Variants in PRRC2C observed in about 807,000 individuals in gnomAD.
PRRC2C encodes proline rich coiled-coil 2C.
PRRC2C carries 72 observed loss-of-function variants against 317.2 expected under a neutral mutation model. That is an observed-to-expected ratio of 0.23 (90% CI 0.19 to 0.28). PRRC2C has a LOEUF of 0.28. Ranked by LOEUF, PRRC2C falls within the 10% of genes least tolerant of loss-of-function variation. The pLI, the probability that PRRC2C is intolerant of heterozygous loss-of-function variation, is 1.00. For synonymous variants in PRRC2C, 1,296 were observed against 1,205.9 expected (o/e 1.07, Z -1.55); for missense variants, 3,074 against 3,459.7 (o/e 0.89, Z 2.80).
intron 16 of PRRC2C, among the ~76,000 whole-genome samples, chr1:171,544,960 G>A (rs548659627): frequency 6.6e-6 from 1 of 152,198 alleles, no homozygotes; most frequent in South Asian, 2.1e-4. Flanking sequence ...AACTGTAGGG[G>A]ATACATTTGG....
At chr1:171,523,546 A>T in intron 9 of PRRC2C, 24 bp downstream of exon 9, 1 of 1,551,628 alleles carries the variant, frequency 6.4e-7, no homozygotes, top group Middle Eastern at 2.3e-4. Context: ...TCTTTTACTA[A>T]TAACAGTATG....
At chr1:171,550,349 G>C (rs977780730) in intron 18 of PRRC2C, 109 bp downstream of exon 18, 1 of 910,142 alleles carries the variant, frequency 1.1e-6, no homozygotes, top group African/African-American at 1.7e-5. Context: ...CATTATTCAA[G>C]TGTTAAAAGT....
At chr1:171,547,213 G>C (rs1183488331) in intron 17 of PRRC2C, among the ~76,000 whole-genome samples, 1 of 152,214 alleles carries the variant, frequency 6.6e-6, no homozygotes, top group Non-Finnish European at 1.5e-5. Flanking sequence ...TTATCTTTAA[G>C]AGTTAGTCGT....
In PRRC2C at chr1:171,591,569, T is replaced by G; in HGVS notation, c.8437-18T>G. 5.6e-6 allele frequency: 9 copies of G among 1,606,794 alleles called. No individual in the cohort carries two copies. Among genetic ancestry groups the G allele is most frequent in the Non-Finnish European group, 7.7e-6 (9 of 1,174,968 alleles). Reference sequence around the variant, plus strand: ...GTAATGCTGCAGTATTTTCAGTTGTTCTTTCTCATTTTTTAAGGCAAAGCA... The same window carrying G: ...GTAATGCTGCAGTATTTTCAGTTGTGCTTTCTCATTTTTTAAGGCAAAGCA... On this transcript the variant is annotated intron_variant, in intron 34 of 34. Coordinates refer to ENST00000647382, the MANE Select transcript of PRRC2C (RefSeq NM_001387844.1).
At chr1:171,586,816 G>A (rs936547347) in intron 30 of PRRC2C, among the ~76,000 whole-genome samples, 187 bp from the exon 31 acceptor site, 10 of 151,160 alleles carry the variant, frequency 6.6e-5, no homozygotes, top group Non-Finnish European at 1.3e-4. Flanking sequence ...TCGATCTCTT[G>A]ACCTCGTGAT....
chr1:171,545,512 G>C lies in PRRC2C; in HGVS notation c.4797G>C (p.Gly1599=), dbSNP rs761607738. The change falls in exon 17 of 35, where the codon GGG becomes GGC. Residue 1599 remains glycine (G), a synonymous_variant. Transcript: ENST00000647382. The part of the protein sequence containing the change: ...PFDDQPAGTT[G]VDLINGSSAH... Reference sequence around the variant, plus strand: ...ATGACCAGCCTGCAGGCACAACTGGGGTTGACCTCATCAATGGCAGCTCTG... The same window carrying C: ...ATGACCAGCCTGCAGGCACAACTGGCGTTGACCTCATCAATGGCAGCTCTG... 11 of 1,581,494 alleles carry C rather than the reference G, an allele frequency of 7.0e-6. No homozygotes were observed. Among genetic ancestry groups the C allele is most frequent in the Non-Finnish European group, 9.5e-6 (11 of 1,163,344 alleles).
intron 17 of PRRC2C, among the ~76,000 whole-genome samples, chr1:171,548,860 T>G (rs1679658932): frequency 6.6e-6 from 1 of 152,208 alleles, no homozygotes; most frequent in Admixed American, 6.5e-5. Flanking sequence ...AACTTATTCA[T>G]TTCTTTATTT....
At chr1:171,545,820 A>G in intron 17 of PRRC2C, 133 bp downstream of exon 17, 1 of 528,046 alleles carries the variant, frequency 1.9e-6, no homozygotes, top group Non-Finnish European at 2.8e-6. Context: ...CATTCAAGGT[A>G]TACATAGTGG....
chr1:171,567,377 A>G (rs552388146), intron 22 of PRRC2C, among the ~76,000 whole-genome samples: 21 of 152,250 alleles, frequency 1.4e-4, no homozygotes, highest in Non-Finnish European at 2.4e-4. Flanking sequence ...GACCATGGGA[A>G]CAGACACTCA....
intron 1 of PRRC2C, among the ~76,000 whole-genome samples, chr1:171,499,818 AGG>A (rs1668764584): frequency 6.6e-6 from 1 of 152,236 alleles, no homozygotes; most frequent in South Asian, 2.1e-4. Flanking sequence ...GAAACAGAAA[AGG>A]GAGCAATGGC....
chr1:171,549,365 A>G (rs1251926689), intron 17 of PRRC2C, among the ~76,000 whole-genome samples: 1 of 152,190 alleles, frequency 6.6e-6, no homozygotes, highest in Non-Finnish European at 1.5e-5. Context: ...AAAAGGAGAA[A>G]TAATAGTAAC....
At chr1:171,522,299 G>A in intron 7 of PRRC2C, 40 bp downstream of exon 7, 3 of 1,372,050 alleles carry the variant, frequency 2.2e-6, no homozygotes, top group Non-Finnish European at 3.1e-6. Flanking sequence ...AGGAATATAT[G>A]CTTGTTAAGA....
chr1:171,542,954 G>T (rs1678243006), intron 16 of PRRC2C, among the ~76,000 whole-genome samples: 1 of 151,486 alleles, frequency 6.6e-6, no homozygotes, highest in Non-Finnish European at 1.5e-5. Flanking sequence ...TAGAGACGGG[G>T]TTTCACTGTG....
In PRRC2C at chr1:171,565,468, A is replaced by T. The variant is rs181044844; in HGVS notation, c.6118-765A>T. On this transcript the variant is annotated intron_variant, in intron 20 of 34. Coordinates refer to ENST00000647382, the MANE Select transcript of PRRC2C (RefSeq NM_001387844.1). ...AGCTGGGTTGGTTTGTTTGTTTTTG[A>T]GACAGGTCTCGCTTTGTCACCCAGG... Among the ~76,000 whole-genome samples the T allele has an allele frequency of 7.2e-5, 11 of 152,264 alleles. No individual in the cohort carries two copies. The East Asian group carries it at 1.9e-3, about 27-fold the overall frequency.
chr1:171,486,924 G>C (rs1241698037), intron 1 of PRRC2C, among the ~76,000 whole-genome samples: 3 of 152,194 alleles, frequency 2.0e-5, no homozygotes, highest in African/African-American at 4.8e-5. Flanking sequence ...GTGTGTCACA[G>C]ATGCACTGCA....
Position 171,513,000 on chromosome 1 carries a change from G to A in PRRC2C, c.118G>A (p.Ala40Thr). 1.2e-6 allele frequency: 2 copies of A among 1,602,870 alleles called. No homozygotes were observed. The highest frequency in any genetic ancestry group is 1.7e-6 in the Non-Finnish European group (2 of 1,175,550). The change falls in exon 3 of 35, where the codon GCT becomes ACT. Residue 40 changes from alanine (A) to threonine (T), a missense_variant. By Grantham distance (58) the Ala-to-Thr change is moderately conservative. This residue lies in a region of PRRC2C where 71 missense variants were observed against 118.9 expected (regional missense o/e 0.60). Transcript: ENST00000647382. Reference sequence around the variant, plus strand: ...TTGATGTTATTGATCTTTAGTTGCAGCTCGACATGGATTACAGAGTCTTGG... The same window carrying A: ...TTGATGTTATTGATCTTTAGTTGCAACTCGACATGGATTACAGAGTCTTGG... Reference protein sequence around the residue: ...SLETQKTTVAARHGLQSLGKV... With the variant: ...SLETQKTTVATRHGLQSLGKV...
At chr1:171,577,048 C>A (rs1200136793) in intron 25 of PRRC2C, among the ~76,000 whole-genome samples, 2 of 152,176 alleles carry the variant, frequency 1.3e-5, no homozygotes, top group Non-Finnish European at 2.9e-5. Context: ...GCACTTTTCT[C>A]TTTTGTGTCC....
chr1:171,575,868 A>C (rs1349955579), intron 25 of PRRC2C, among the ~76,000 whole-genome samples: 1 of 152,236 alleles, frequency 6.6e-6, no homozygotes, highest in African/African-American at 2.4e-5. Context: ...CTTCCAAAGC[A>C]GTAGGAAGCT....
chr1:171,495,680 T>C (rs1667962539), intron 1 of PRRC2C, among the ~76,000 whole-genome samples: 1 of 152,196 alleles, frequency 6.6e-6, no homozygotes, highest in African/African-American at 2.4e-5. Context: ...TTATATTTTG[T>C]GGATGCTGAT....
Sources: allele counts gnomAD v4.1 joint callset (sites outside exome capture counted in the v4.1 genomes callset), GRCh38; gene constraint gnomAD v4.1.1; regional missense constraint gnomAD v4.1.1; transcripts MANE v1.5; gene names NCBI Gene and HGNC (gene_info 2026-07-23, HGNC 2026-07-21).